Variants in LINGO2 observed in about 807,000 individuals in gnomAD.
LINGO2 encodes leucine rich repeat and Ig domain containing 2.
Under a neutral mutation model 30.6 loss-of-function variants are expected in LINGO2, and 14 were observed. The observed-to-expected ratio is 0.46, with a 90% CI of 0.30 to 0.72. LINGO2 has a LOEUF of 0.72. Among genes scored for constraint, LINGO2 ranks in the 30% least tolerant of loss-of-function variants. LINGO2 has a pLI of 0.07. For synonymous variants in LINGO2, 317 were observed against 288.5 expected (o/e 1.10, Z -1.00); for missense variants, 729 against 751.7 (o/e 0.97, Z 0.35).
the LINGO2 span, among the ~76,000 whole-genome samples, chr9:28,697,537 T>C: frequency 6.6e-6 from 1 of 151,930 alleles, no homozygotes. Context: ...TTCTAAACCA[T>C]AGTTGATTTT....
chr9:28,560,605 T>TTA (rs1402911529), intron 1 of LINGO2, among the ~76,000 whole-genome samples: 1 of 152,020 alleles, frequency 6.6e-6, no homozygotes, highest in Non-Finnish European at 1.5e-5. Context: ...TTGGGTGTGA[T>TTA]TATATATATA....
intron 4 of LINGO2, among the ~76,000 whole-genome samples, chr9:28,053,231 G>T (rs1824759668): frequency 6.6e-6 from 1 of 152,028 alleles, no homozygotes; most frequent in Non-Finnish European, 1.5e-5. Context: ...CTGGAGAATG[G>T]AGAGGAATTA....
chr9:29,026,533 A>T, the LINGO2 span, among the ~76,000 whole-genome samples: 1 of 152,168 alleles, frequency 6.6e-6, no homozygotes. Flanking sequence ...GAAAACATTT[A>T]TGCTATATTA....
At chr9:28,965,104 G>A in the LINGO2 span, among the ~76,000 whole-genome samples, 2 of 152,030 alleles carry the variant, frequency 1.3e-5, no homozygotes, top group Admixed American at 6.6e-5. Context: ...AAATGGTAAA[G>A]AGTAGAAATG....
At chr9:28,774,537 A>G in the LINGO2 span, among the ~76,000 whole-genome samples, 1 of 152,162 alleles carries the variant, frequency 6.6e-6, no homozygotes, top group Non-Finnish European at 1.5e-5. Flanking sequence ...CTCATTTTAT[A>G]TATGTGATGT....
chr9:29,034,534 T>C, the LINGO2 span, among the ~76,000 whole-genome samples: 2 of 152,120 alleles, frequency 1.3e-5, no homozygotes, highest in Admixed American at 6.6e-5. Flanking sequence ...GCTGTTATTG[T>C]TATTCCTTTT....
At chr9:28,093,482 G>A (rs1826157190) in intron 4 of LINGO2, among the ~76,000 whole-genome samples, 2 of 151,970 alleles carry the variant, frequency 1.3e-5, no homozygotes, top group African/African-American at 4.8e-5. Context: ...TTCATGGACT[G>A]TATTTAGTGT....
At position 27,976,000 on chromosome 9, in the gene LINGO2, A is replaced by G. The variant is rs569852384; in HGVS notation, c.-35-25294T>C. Among the ~76,000 whole-genome samples the G allele has an allele frequency of 8.4e-4, 128 of 152,212 alleles. 1 individual carries two copies. The highest frequency in any genetic ancestry group is 1.4e-3 in the Non-Finnish European group (95 of 67,992). On this transcript the variant is annotated intron_variant, in intron 5 of 5. Transcript: ENST00000379992. ...GAGGGCAGGAAGGTGGCACAGACTA[A>G]TGGTTAAGCCCATGGGTTTGGAATC...
the LINGO2 span, among the ~76,000 whole-genome samples, chr9:28,860,458 C>A: frequency 4.6e-5 from 7 of 152,108 alleles, no homozygotes; most frequent in Non-Finnish European, 7.4e-5. Context: ...ACTTGAACTG[C>A]AAATCTGCCC....
the LINGO2 span, among the ~76,000 whole-genome samples, chr9:28,847,057 G>T: frequency 6.9e-6 from 1 of 145,430 alleles, no homozygotes; most frequent in Non-Finnish European, 1.5e-5. Flanking sequence ...TATTTCAGTA[G>T]CCCCAACAAG....
chr9:28,131,972 C>G (rs1308704938), intron 4 of LINGO2, among the ~76,000 whole-genome samples: 2 of 152,168 alleles, frequency 1.3e-5, no homozygotes, highest in Admixed American at 1.3e-4. Flanking sequence ...GCTTGACATT[C>G]AAGATCAGAT....
chr9:29,143,624 C>A, the LINGO2 span, among the ~76,000 whole-genome samples: 1 of 151,864 alleles, frequency 6.6e-6, no homozygotes, highest in Non-Finnish European at 1.5e-5. Flanking sequence ...AGAATGAAAG[C>A]CTTTCCTAGA....
chr9:28,278,582 C>T (rs1823212990), intron 4 of LINGO2, among the ~76,000 whole-genome samples: 1 of 152,156 alleles, frequency 6.6e-6, no homozygotes, highest in Non-Finnish European at 1.5e-5. Flanking sequence ...GCCTGGATGA[C>T]AGCATATCTA....
chr9:28,660,032 A>G (rs765610442), intron 1 of LINGO2, among the ~76,000 whole-genome samples: 1 of 152,182 alleles, frequency 6.6e-6, no homozygotes, highest in Non-Finnish European at 1.5e-5. Flanking sequence ...TCAGTGACCA[A>G]TATGCTTATT....
the LINGO2 span, among the ~76,000 whole-genome samples, chr9:28,878,216 G>A: frequency 6.6e-6 from 1 of 152,080 alleles, no homozygotes; most frequent in East Asian, 1.9e-4. Context: ...ACACCTCTAT[G>A]CAAATAAACT....
At chr9:28,234,758 G>C (rs1431710805) in intron 4 of LINGO2, among the ~76,000 whole-genome samples, 1 of 152,136 alleles carries the variant, frequency 6.6e-6, no homozygotes, top group Non-Finnish European at 1.5e-5. Context: ...TATTTTTGAG[G>C]TTTTGGGACT....
the LINGO2 span, among the ~76,000 whole-genome samples, chr9:28,732,422 A>G: frequency 6.6e-6 from 1 of 152,188 alleles, no homozygotes. Context: ...AAACCACACA[A>G]GTAAACAATC....
At chr9:29,006,730 T>C in the LINGO2 span, among the ~76,000 whole-genome samples, 1 of 152,030 alleles carries the variant, frequency 6.6e-6, no homozygotes, top group East Asian at 1.9e-4. Flanking sequence ...ATATTCAACA[T>C]TAAGCATAGT....
the LINGO2 span, among the ~76,000 whole-genome samples, chr9:28,765,328 G>C: frequency 6.6e-6 from 1 of 152,024 alleles, no homozygotes; most frequent in African/African-American, 2.4e-5. Context: ...ACAGACTAGA[G>C]AGCCAAGAAT....
Sources: gnomAD v4.1 joint callset for allele counts (sites outside exome capture counted in the v4.1 genomes callset) on GRCh38, gnomAD v4.1.1 for gene constraint, MANE v1.5 for transcripts, NCBI Gene and HGNC (gene_info 2026-07-23, HGNC 2026-07-21) for gene names.